Variants in RASAL2 observed in about 807,000 individuals in gnomAD.
The protein encoded by RASAL2 is RAS protein activator like 2.
In RASAL2, 58 loss-of-function variants were observed where a neutral mutation model predicts 128.9. The observed-to-expected ratio is 0.45, with a 90% CI of 0.36 to 0.56. The LOEUF is 0.56. Among genes scored for constraint, RASAL2 ranks in the 20% least tolerant of loss-of-function variants. The probability of loss-of-function intolerance (pLI) is 0.00; values close to 1 mark genes in which losing one functional copy is unlikely to be tolerated. For synonymous variants in RASAL2, 561 were observed against 580.8 expected (o/e 0.97, Z 0.49); for missense variants, 1,360 against 1,601.6 (o/e 0.85, Z 2.57).
At chr1:178,256,025 T>C (rs1415916360) in intron 1 of RASAL2, among the ~76,000 whole-genome samples, 1 of 152,124 alleles carries the variant, frequency 6.6e-6, no homozygotes, top group African/African-American at 2.4e-5. Context: ...ACAAGAAGGC[T>C]GAAGTGGCTA....
intron 2 of RASAL2, among the ~76,000 whole-genome samples, chr1:178,290,183 A>T (rs1236411239): frequency 1.3e-5 from 2 of 152,216 alleles, no homozygotes; most frequent in African/African-American, 4.8e-5. Flanking sequence ...TTGTTCAAGG[A>T]TGTATCCACC....
At chr1:178,287,339 T>C (rs1306896626) in intron 2 of RASAL2, among the ~76,000 whole-genome samples, 4 of 151,814 alleles carry the variant, frequency 2.6e-5, no homozygotes. Context: ...ACTGTCCCAC[T>C]CTCCTGGACT....
intron 1 of RASAL2, among the ~76,000 whole-genome samples, chr1:178,185,397 T>C (rs1001916271): frequency 2.0e-5 from 3 of 152,076 alleles, no homozygotes; most frequent in African/African-American, 7.2e-5. Flanking sequence ...TGTCTTGTTA[T>C]CCATCTTAGA....
intron 1 of RASAL2, among the ~76,000 whole-genome samples, chr1:178,142,880 A>C (rs575856062): frequency 6.6e-6 from 1 of 152,152 alleles, no homozygotes; most frequent in African/African-American, 2.4e-5. Flanking sequence ...ATCTACCCAG[A>C]ATAGTAGATA....
rs921550672 is a variant in RASAL2, at chr1:178,094,364, G to A, written c.-129G>A. 6.9e-6 allele frequency: 6 copies of A among 864,706 alleles called. No individual in the cohort carries two copies. The highest frequency in any genetic ancestry group is 8.4e-6 in the Non-Finnish European group (5 of 595,770). 53.6% of individuals were successfully genotyped at this position (864,706 alleles called of 1,614,324 possible). A position where few individuals can be genotyped will look rare whatever the true frequency, so the allele number is the denominator to read the frequency against. On this transcript the variant is annotated 5_prime_UTR_variant, in exon 1 of 18. Coordinates refer to ENST00000367649, the MANE Select transcript of RASAL2 (RefSeq NM_170692.4). ...GGGGAAGGAGGTGAGAGGTGTCCGC[G>A]CCGGCTGCCGCTCGGGTCCCTGCCC...
At chr1:178,278,880 A>AT (rs1325489434) in intron 1 of RASAL2, among the ~76,000 whole-genome samples, 85 of 151,262 alleles carry the variant, frequency 5.6e-4, no homozygotes, top group African/African-American at 1.9e-3. Context: ...ATTTTTGTCA[A>AT]GTAATATATC....
chr1:178,331,700 C>T (rs1669321503), intron 3 of RASAL2, among the ~76,000 whole-genome samples: 1 of 148,996 alleles, frequency 6.7e-6, no homozygotes. Flanking sequence ...GATTCTCTTG[C>T]CTCAGCCTCC....
chr1:178,212,654 A>C (rs1571639032), intron 1 of RASAL2, among the ~76,000 whole-genome samples: 1 of 151,636 alleles, frequency 6.6e-6, no homozygotes, highest in African/African-American at 2.4e-5. Context: ...ACCACGCCCA[A>C]CTAATTTTTG....
chr1:178,358,774 A>G (rs928627652), intron 3 of RASAL2, among the ~76,000 whole-genome samples: 1 of 152,178 alleles, frequency 6.6e-6, no homozygotes, highest in Middle Eastern at 3.2e-3. Flanking sequence ...TTCTATTCCT[A>G]TGTATATACC....
chr1:178,098,132 A>T (rs924744954), intron 1 of RASAL2, among the ~76,000 whole-genome samples: 1 of 152,138 alleles, frequency 6.6e-6, no homozygotes, highest in Non-Finnish European at 1.5e-5. Flanking sequence ...AAAATTTTTG[A>T]TATCAGGGAG....
At chr1:178,429,931 A>T (rs1158699773) in intron 5 of RASAL2, among the ~76,000 whole-genome samples, 2 of 151,976 alleles carry the variant, frequency 1.3e-5, no homozygotes, top group Non-Finnish European at 1.5e-5. Context: ...CCCACATATC[A>T]TCCTAGACTA....
intron 1 of RASAL2, among the ~76,000 whole-genome samples, chr1:178,175,437 C>CGTGTGTGTGTGTGTGTGTGTGTGT (rs1158552851): frequency 6.9e-6 from 1 of 144,334 alleles, no homozygotes; most frequent in Non-Finnish European, 1.5e-5. Flanking sequence ...TACATGGTTA[C>CGTGTGTGTGTGTGTGTGTGTGTGT]GTGTGTGTGT....
At chr1:178,339,847 C>G (rs1669776996) in intron 3 of RASAL2, among the ~76,000 whole-genome samples, 1 of 152,022 alleles carries the variant, frequency 6.6e-6, no homozygotes, top group African/African-American at 2.4e-5. Context: ...AAAAAATAGT[C>G]AAATATCAGC....
At chr1:178,143,403 A>C (rs978861460) in intron 1 of RASAL2, among the ~76,000 whole-genome samples, 2 of 152,042 alleles carry the variant, frequency 1.3e-5, no homozygotes, top group African/African-American at 4.8e-5. Context: ...ATTTTTAAAA[A>C]GGGTGTTTTT....
At chr1:178,247,211 T>G (rs1225748557) in intron 1 of RASAL2, among the ~76,000 whole-genome samples, 3 of 152,214 alleles carry the variant, frequency 2.0e-5, no homozygotes, top group African/African-American at 7.2e-5. Context: ...TTTTTTTTGT[T>G]GGTAAGCTAT....
intron 8 of RASAL2, 56 bp from the exon 9 acceptor site, chr1:178,445,462 C>T: frequency 6.4e-7 from 1 of 1,553,758 alleles, no homozygotes; most frequent in Admixed American, 1.8e-5. Context: ...AAAGTCTCTT[C>T]TAATGTGTAT....
intron 1 of RASAL2, chr1:178,123,057 T>C (rs1161958490): frequency 1.3e-5 from 2 of 152,282 alleles, no homozygotes; most frequent in East Asian, 3.9e-4. Flanking sequence ...GTTTTTCAGA[T>C]CATCTATCTA....
chr1:178,149,456 G>A (rs1439194501), intron 1 of RASAL2, among the ~76,000 whole-genome samples: 2 of 151,500 alleles, frequency 1.3e-5, no homozygotes, highest in Admixed American at 1.3e-4. Flanking sequence ...CAAAATTTTT[G>A]CCAGTACCTC....
At chr1:178,184,029 T>G (rs7516026) in intron 1 of RASAL2, among the ~76,000 whole-genome samples, 3,176 of 152,296 alleles carry the variant, frequency 0.021, 97 homozygotes, top group African/African-American at 0.069. Context: ...CAAATCTCAC[T>G]GTTGCATTCC....
Sources: allele counts gnomAD v4.1 joint callset (sites outside exome capture counted in the v4.1 genomes callset), GRCh38; gene constraint gnomAD v4.1.1; transcripts MANE v1.5; gene names NCBI Gene and HGNC (gene_info 2026-07-23, HGNC 2026-07-21).